Variants in MYO1D observed in about 807,000 individuals in gnomAD.
The protein encoded by MYO1D is unconventional myosin-Id.
In MYO1D, 83 loss-of-function variants were observed where a neutral mutation model predicts 122.0. The observed-to-expected ratio is 0.68, with a 90% confidence interval of 0.57 to 0.82. The LOEUF is 0.82. Ranked by LOEUF, MYO1D falls within the 40% of genes least tolerant of loss-of-function variation. MYO1D has a pLI of 0.00. For missense variants in MYO1D, 1,157 were observed against 1,269.5 expected (o/e 0.91, Z 1.35); for synonymous variants, 464 against 446.9 (o/e 1.04, Z -0.48).
rs576736201 is a variant in MYO1D at position 32,571,899 on chromosome 17, T to C, written c.2864+33188A>G. 3.3e-5 allele frequency among the ~76,000 whole-genome samples: 5 copies of C among 152,308 alleles called. No homozygotes were observed. In the East Asian group the frequency reaches 9.6e-4, roughly 29 times the overall value. ...TTCTTTTGTGCTTGCTTTAAATTGC[T>C]TCTACTTTTAGCTCTTTTTATGGTG... On this transcript the variant is annotated intron_variant, in intron 21 of 21. Coordinates refer to ENST00000318217, the MANE Select transcript of MYO1D (RefSeq NM_015194.3).
At chr17:32,797,205 G>A (rs8069379) in intron 1 of MYO1D, among the ~76,000 whole-genome samples, 1 of 152,090 alleles carries the variant, frequency 6.6e-6, no homozygotes, top group East Asian at 1.9e-4. Context: ...TCCTGACCTC[G>A]TGATCCACCC....
intron 16 of MYO1D, among the ~76,000 whole-genome samples, chr17:32,698,161 AGAATAGT>A (rs1335572350): frequency 7.2e-5 from 11 of 152,358 alleles, no homozygotes; most frequent in Admixed American, 5.9e-4. Context: ...TTAAATAACC[AGAATAGT>A]AAAGTATCCA....
chr17:32,833,555 TCTCCAATGGCACCCCAG>T (rs1029189287), intron 1 of MYO1D, among the ~76,000 whole-genome samples: 4 of 152,218 alleles, frequency 2.6e-5, no homozygotes, highest in African/African-American at 4.8e-5. Context: ...CTGCTCAAAC[TCTCCAATGGCACCCCAG>T]CTCCAATGGC....
chr17:32,554,198 C>A (rs2075627042), intron 21 of MYO1D, among the ~76,000 whole-genome samples: 1 of 151,820 alleles, frequency 6.6e-6, no homozygotes, highest in Non-Finnish European at 1.5e-5. Flanking sequence ...CCTGCCCCTG[C>A]CCCTGCCCCT....
chr17:32,648,621 T>G lies in MYO1D; in HGVS notation c.2595+5222A>C, dbSNP rs188918255. 3.9e-3 allele frequency among the ~76,000 whole-genome samples: 594 copies of G among 152,332 alleles called. 18 individuals carry two copies. Among genetic ancestry groups the G allele is most frequent in the Admixed American group, 0.028 (432 of 15,302 alleles). ...GGCTGGAGATTAAGTTAATTACCCA[T>G]AGCCAATGATTTCATCAACCATGCC... On this transcript the variant is annotated intron_variant, in intron 19 of 21. Coordinates refer to ENST00000318217, the MANE Select transcript of MYO1D (RefSeq NM_015194.3).
chr17:32,645,910 G>C (rs2088286779), intron 19 of MYO1D, among the ~76,000 whole-genome samples: 2 of 152,224 alleles, frequency 1.3e-5, no homozygotes, highest in Non-Finnish European at 2.9e-5. Flanking sequence ...GCTCGTCAAA[G>C]TCATTCTCCA....
intron 8 of MYO1D, among the ~76,000 whole-genome samples, chr17:32,763,525 C>T (rs1380485187): frequency 2.6e-5 from 4 of 152,090 alleles, no homozygotes; most frequent in South Asian, 2.1e-4. Context: ...TGTTAAAATA[C>T]TCTACAAAAA....
intron 16 of MYO1D, among the ~76,000 whole-genome samples, chr17:32,678,156 A>G (rs764576838): frequency 6.6e-6 from 1 of 152,116 alleles, no homozygotes; most frequent in Non-Finnish European, 1.5e-5. Context: ...TCCCTCTTTG[A>G]ACTTTTCCTA....
chr17:32,710,297 C>T (rs1463050112), intron 16 of MYO1D, among the ~76,000 whole-genome samples: 1 of 152,064 alleles, frequency 6.6e-6, no homozygotes, highest in African/African-American at 2.4e-5. Context: ...TATCTACATA[C>T]AGGAACTTAA....
intron 1 of MYO1D, among the ~76,000 whole-genome samples, chr17:32,814,633 A>C (rs907415633): frequency 5.3e-5 from 8 of 152,254 alleles, no homozygotes; most frequent in Non-Finnish European, 8.8e-5. Context: ...GTCTCTTCTA[A>C]GCACGATGCA....
In MYO1D at chr17:32,636,690, A is replaced by G. The variant is rs559861163; in HGVS notation, c.2709+2032T>C. ...TGTGGGCAAGTTTACTCCTGCAGGG[A>G]AGCTCTAGGAGATGGTGTGAGACAG... On this transcript the variant is annotated intron_variant, in intron 20 of 21. Transcript: ENST00000318217. Among the ~76,000 whole-genome samples the G allele has an allele frequency of 4.6e-5, 7 of 152,354 alleles. No individual in the cohort carries two copies. In the South Asian group the frequency reaches 1.4e-3, roughly 32 times the overall value.
At chr17:32,518,951 G>C (rs552814587) in intron 21 of MYO1D, 70 of 152,396 alleles carry the variant, frequency 4.6e-4, no homozygotes, top group Admixed American at 2.3e-3. Context: ...CCCGGGTAGG[G>C]GATGTGCGCC....
intron 20 of MYO1D, among the ~76,000 whole-genome samples, chr17:32,611,235 A>T (rs1172671461): frequency 2.0e-5 from 3 of 152,248 alleles, no homozygotes; most frequent in Non-Finnish European, 2.9e-5. Flanking sequence ...TCATTTACGA[A>T]ATCAGCGCAA....
intron 15 of MYO1D, among the ~76,000 whole-genome samples, chr17:32,714,026 T>G (rs1245695902): frequency 3.3e-5 from 5 of 151,884 alleles, no homozygotes; most frequent in Non-Finnish European, 5.9e-5. Context: ...ATCTTTAAAG[T>G]TTTCTCATAT....
intron 19 of MYO1D, among the ~76,000 whole-genome samples, chr17:32,645,825 T>A (rs879378028): frequency 6.6e-6 from 1 of 152,202 alleles, no homozygotes; most frequent in African/African-American, 2.4e-5. Flanking sequence ...TCAAGGTTTT[T>A]AACTTCTTTG....
chr17:32,613,107 A>T (rs778737268), intron 20 of MYO1D, among the ~76,000 whole-genome samples: 41 of 152,138 alleles, frequency 2.7e-4, no homozygotes, highest in Admixed American at 2.7e-3. Flanking sequence ...AATTAGTAAA[A>T]TTGACTTAAA....
At chr17:32,834,742 G>A (rs951062407) in intron 1 of MYO1D, among the ~76,000 whole-genome samples, 7 of 152,194 alleles carry the variant, frequency 4.6e-5, no homozygotes, top group East Asian at 1.9e-4. Flanking sequence ...GGCCAGGCAC[G>A]GTAGCTCCCA....
At chr17:32,561,294 C>G (rs917441250) in intron 21 of MYO1D, among the ~76,000 whole-genome samples, 10 of 151,986 alleles carry the variant, frequency 6.6e-5, no homozygotes, top group Non-Finnish European at 1.3e-4. Flanking sequence ...TCACTCAGTC[C>G]CATTACAAAT....
At chr17:32,831,271 A>G (rs930449366) in intron 1 of MYO1D, among the ~76,000 whole-genome samples, 5 of 152,224 alleles carry the variant, frequency 3.3e-5, no homozygotes, top group Non-Finnish European at 7.3e-5. Flanking sequence ...AGCACATGAT[A>G]TTCGCTTGGA....
Sources: allele counts gnomAD v4.1 joint callset (sites outside exome capture counted in the v4.1 genomes callset), GRCh38; gene constraint gnomAD v4.1.1; transcripts MANE v1.5; gene names NCBI Gene and HGNC (gene_info 2026-07-23, HGNC 2026-07-21).